NCKAP5: variants seen among roughly 807,000 people sequenced by gnomAD.
NCKAP5 encodes nck-associated protein 5.
Under a neutral mutation model 167.0 loss-of-function variants are expected in NCKAP5, and 92 were observed. The ratio of observed to expected loss-of-function variants is 0.55; its 90% CI spans 0.47 to 0.66. The LOEUF (loss-of-function observed/expected upper bound fraction) is 0.66, where lower values mean the gene tolerates loss of function less well. Among genes scored for constraint, NCKAP5 ranks in the 30% least tolerant of loss-of-function variants. The pLI is 0.00. For synonymous variants in NCKAP5, 891 were observed against 877.4 expected (o/e 1.02, Z -0.27); for missense variants, 2,378 against 2,315.0 (o/e 1.03, Z -0.56).
chr2:133,519,701 A>G (rs1684317024), intron 2 of NCKAP5, among the ~76,000 whole-genome samples: 2 of 152,228 alleles, frequency 1.3e-5, no homozygotes, highest in Non-Finnish European at 2.9e-5. Flanking sequence ...TACAGAAGAC[A>G]GTAGGAATAC....
chr2:133,317,568 C>T (rs1392430783), intron 3 of NCKAP5, among the ~76,000 whole-genome samples: 5 of 152,142 alleles, frequency 3.3e-5, no homozygotes, highest in Non-Finnish European at 1.5e-5. Flanking sequence ...ACACTGTAGG[C>T]CTATTCAATA....
At chr2:132,924,004 C>T (rs893597851) in intron 8 of NCKAP5, among the ~76,000 whole-genome samples, 73 of 152,230 alleles carry the variant, frequency 4.8e-4, no homozygotes, top group African/African-American at 1.6e-3. Context: ...AGACATAAAC[C>T]AAATGGCTGG....
chr2:132,688,337 T>A (rs888937833), intron 19 of NCKAP5, among the ~76,000 whole-genome samples: 2 of 152,176 alleles, frequency 1.3e-5, no homozygotes, highest in African/African-American at 4.8e-5. Context: ...AAAAATTGTA[T>A]AGAAAACAGC....
At chr2:133,659,728 ACT>A in the NCKAP5 span, among the ~76,000 whole-genome samples, 1 of 152,076 alleles carries the variant, frequency 6.6e-6, no homozygotes, top group East Asian at 1.9e-4. Flanking sequence ...TGTTTGCCAA[ACT>A]CTGTGAAAAT....
At chr2:133,045,799 C>T (rs2079379310) in intron 6 of NCKAP5, among the ~76,000 whole-genome samples, 1 of 152,174 alleles carries the variant, frequency 6.6e-6, no homozygotes, top group African/African-American at 2.4e-5. Context: ...GCACTGGACT[C>T]ACCCTTCTTC....
rs184149296 is a variant in NCKAP5, at chr2:133,185,698, C to T, written c.207+28018G>A. 5.1e-4 allele frequency among the ~76,000 whole-genome samples: 78 copies of T among 151,814 alleles called. 1 individual carries two copies. The highest frequency in any genetic ancestry group is 3.3e-3 in the East Asian group (17 of 5,152). On this transcript the variant is annotated intron_variant, in intron 5 of 19. Coordinates refer to ENST00000409261, the MANE Select transcript of NCKAP5 (RefSeq NM_207363.3). ...CTTTCACCTCCTTAGCTGTATTCCTCGATACTTCATTTTTTATGGCTATTT... is the reference window on the plus strand; with the variant it reads ...CTTTCACCTCCTTAGCTGTATTCCTTGATACTTCATTTTTTATGGCTATTT...
At chr2:133,316,455 G>T (rs893256408) in intron 3 of NCKAP5, among the ~76,000 whole-genome samples, 1 of 152,084 alleles carries the variant, frequency 6.6e-6, no homozygotes, top group African/African-American at 2.4e-5. Context: ...TAAAAATTTT[G>T]TTTCGTTTTT....
At chr2:133,062,293 C>T (rs142091610) in intron 6 of NCKAP5, among the ~76,000 whole-genome samples, 1 of 152,250 alleles carries the variant, frequency 6.6e-6, no homozygotes, top group East Asian at 1.9e-4. Flanking sequence ...AAAAAGTTAA[C>T]GTATCACTAT....
At chr2:133,097,569 CG>C (rs1210157891) in intron 6 of NCKAP5, among the ~76,000 whole-genome samples, 1 of 152,086 alleles carries the variant, frequency 6.6e-6, no homozygotes, top group Admixed American at 6.5e-5. Context: ...AACCTTTACT[CG>C]GGATTCAATA....
chr2:132,801,929 C>G (rs960659641), intron 11 of NCKAP5, among the ~76,000 whole-genome samples: 1 of 152,104 alleles, frequency 6.6e-6, no homozygotes, highest in Non-Finnish European at 1.5e-5. Flanking sequence ...AGACTGGAGA[C>G]TGAGGTGCAT....
chr2:132,994,634 C>T lies in NCKAP5; in HGVS notation c.342-395G>A, dbSNP rs368530597. On this transcript the variant is annotated intron_variant, in intron 6 of 19. Coordinates refer to ENST00000409261, the MANE Select transcript of NCKAP5 (RefSeq NM_207363.3). The stretch of plus-strand genomic sequence containing the variant: ...ACATATTATAGGAATGCACTCTTCC[C>T]ATTAATCTACTGTCAGGTCTTTCTG... Among the ~76,000 whole-genome samples, 103 of 152,328 alleles carry T rather than the reference C, an allele frequency of 6.8e-4. 1 individual carries two copies. The highest frequency in any genetic ancestry group is 3.4e-3 in the Middle Eastern group (1 of 294).
intron 5 of NCKAP5, among the ~76,000 whole-genome samples, chr2:133,174,701 T>A (rs560778116): frequency 2.1e-5 from 2 of 94,176 alleles, no homozygotes; most frequent in Non-Finnish European, 3.9e-5. Flanking sequence ...CCAAGTAACA[T>A]CTTTTTTTTT....
chr2:133,018,647 T>C (rs1484739468), intron 6 of NCKAP5, among the ~76,000 whole-genome samples: 1 of 152,216 alleles, frequency 6.6e-6, no homozygotes, highest in Non-Finnish European at 1.5e-5. Flanking sequence ...AGTGCTCTTA[T>C]TGCCTAAGTG....
intron 4 of NCKAP5, among the ~76,000 whole-genome samples, chr2:133,257,330 A>G (rs1345699895): frequency 6.6e-6 from 1 of 152,238 alleles, no homozygotes; most frequent in Admixed American, 6.5e-5. Context: ...ATTCACACTA[A>G]TAACTACTAG....
At chr2:133,384,712 T>C (rs1347988511) in intron 3 of NCKAP5, among the ~76,000 whole-genome samples, 1 of 152,266 alleles carries the variant, frequency 6.6e-6, no homozygotes, top group Non-Finnish European at 1.5e-5. Context: ...TCCATTTGTT[T>C]GTGTCCTCTT....
At chr2:133,505,768 A>T (rs1229422098) in intron 3 of NCKAP5, among the ~76,000 whole-genome samples, 1 of 152,220 alleles carries the variant, frequency 6.6e-6, no homozygotes, top group South Asian at 2.1e-4. Context: ...GCCCTTTAAA[A>T]TTAGTGCTTT....
intron 11 of NCKAP5, among the ~76,000 whole-genome samples, chr2:132,824,590 A>C (rs1686991351): frequency 6.6e-6 from 1 of 152,244 alleles, no homozygotes; most frequent in Non-Finnish European, 1.5e-5. Context: ...TATGGTGGTC[A>C]CAAGTGCTGC....
intron 4 of NCKAP5, among the ~76,000 whole-genome samples, chr2:133,270,713 A>C (rs940662561): frequency 6.6e-6 from 1 of 152,150 alleles, no homozygotes; most frequent in Non-Finnish European, 1.5e-5. Context: ...AGATGCTTGC[A>C]TAGGGTGTAA....
At chr2:133,322,654 A>G (rs1487089485) in intron 3 of NCKAP5, among the ~76,000 whole-genome samples, 1 of 152,224 alleles carries the variant, frequency 6.6e-6, no homozygotes. Flanking sequence ...CCCATCCAGG[A>G]TATTCTTCTA....
Sources: gnomAD v4.1 joint callset for allele counts (sites outside exome capture counted in the v4.1 genomes callset) on GRCh38, gnomAD v4.1.1 for gene constraint, MANE v1.5 for transcripts, NCBI Gene and HGNC (gene_info 2026-07-23, HGNC 2026-07-21) for gene names.